The following PUM1 variants were observed in gnomAD, a reference collection of about 807,000 sequenced individuals.
The protein encoded by PUM1 is pumilio RNA binding family member 1.
In PUM1, 13 loss-of-function variants were observed where a neutral mutation model predicts 131.8. That is an observed-to-expected ratio of 0.10 (90% CI 0.06 to 0.16). The LOEUF is 0.16. Ranked by LOEUF, PUM1 falls within the 10% of genes least tolerant of loss-of-function variation. PUM1 has a pLI of 1.00. For synonymous variants in PUM1, 509 were observed against 556.5 expected (o/e 0.91, Z 1.20); for missense variants, 961 against 1,512.4 (o/e 0.64, Z 6.05).
At chr1:31,024,342 G>A (rs1643147770) in intron 3 of PUM1, among the ~76,000 whole-genome samples, 1 of 152,006 alleles carries the variant, frequency 6.6e-6, no homozygotes. Flanking sequence ...CCACACCTAT[G>A]GATCAAGTAC....
chr1:30,999,398 G>C (rs1416258803), intron 5 of PUM1, among the ~76,000 whole-genome samples: 1 of 151,946 alleles, frequency 6.6e-6, no homozygotes. Context: ...CCTGAGGTCA[G>C]GAGTTCAAGA....
chr1:31,043,657 A>T (rs1643890704), intron 2 of PUM1, among the ~76,000 whole-genome samples: 1 of 152,230 alleles, frequency 6.6e-6, no homozygotes, highest in African/African-American at 2.4e-5. Context: ...TATTCATTGC[A>T]TCTAAAGAGT....
intron 2 of PUM1, among the ~76,000 whole-genome samples, chr1:31,033,308 G>A (rs1643496351): frequency 6.7e-6 from 1 of 149,882 alleles, no homozygotes; most frequent in Non-Finnish European, 1.5e-5. Flanking sequence ...AGGCTCAAGT[G>A]ATCCTCCCAT....
chr1:30,965,252 G>T (rs1640573048), intron 13 of PUM1, among the ~76,000 whole-genome samples: 1 of 152,114 alleles, frequency 6.6e-6, no homozygotes, highest in Admixed American at 6.5e-5. Flanking sequence ...AAAGGTTCAA[G>T]TAGAAAAATG....
chr1:31,059,616 CT>C (rs770947041), intron 1 of PUM1, 39 bp from the exon 2 acceptor site: 5 of 1,530,312 alleles, frequency 3.3e-6, no homozygotes, highest in Non-Finnish European at 4.4e-6. Flanking sequence ...ATATTTCCAT[CT>C]TTTGAAACAT....
chr1:31,010,307 A>C (rs1642563620), intron 3 of PUM1, among the ~76,000 whole-genome samples: 1 of 152,212 alleles, frequency 6.6e-6, no homozygotes, highest in Admixed American at 6.5e-5. Context: ...ACTTACAAGT[A>C]CTCATACCCT....
At chr1:30,991,353 A>T (rs1022979287) in intron 7 of PUM1, among the ~76,000 whole-genome samples, 2 of 152,182 alleles carry the variant, frequency 1.3e-5, no homozygotes, top group Admixed American at 1.3e-4. Flanking sequence ...ACAATCCCTT[A>T]AAGGTATTTA....
chr1:31,026,393 GA>G (rs1643224214), intron 3 of PUM1, among the ~76,000 whole-genome samples: 1 of 151,966 alleles, frequency 6.6e-6, no homozygotes, highest in African/African-American at 2.4e-5. Flanking sequence ...GCTTTTTAAG[GA>G]ATATCTCTCC....
intron 3 of PUM1, among the ~76,000 whole-genome samples, chr1:31,015,822 C>T (rs954962318): frequency 6.6e-6 from 1 of 151,752 alleles, no homozygotes; most frequent in East Asian, 1.9e-4. Flanking sequence ...TACAGGCATG[C>T]GCCACCATAC....
At chr1:31,047,475 G>A (rs542674682) in intron 2 of PUM1, among the ~76,000 whole-genome samples, 1 of 152,338 alleles carries the variant, frequency 6.6e-6, no homozygotes, top group South Asian at 2.1e-4. Context: ...TGAATAACTA[G>A]ATAGATTCTA....
At chr1:31,005,405 A>C (rs1345667845) in intron 5 of PUM1, among the ~76,000 whole-genome samples, 2 of 152,228 alleles carry the variant, frequency 1.3e-5, no homozygotes, top group Non-Finnish European at 2.9e-5. Flanking sequence ...CAAAACAAGA[A>C]TAGCCCTATA....
chr1:31,061,710 G>C (rs558312322), intron 1 of PUM1: 5 of 152,342 alleles, frequency 3.3e-5, no homozygotes, highest in African/African-American at 9.6e-5. Flanking sequence ...TACAATCCCA[G>C]CACTTTGGGA....
rs540208777 is a variant in PUM1, at chr1:30,967,574, T to A, written c.1646-264A>T. ...CCTAGATAGGCTTTAAATAACATGA[T>A]CTTTCAATATTATGTGAGATAGAAT... On this transcript the variant is annotated intron_variant, in intron 11 of 21. Transcript: ENST00000426105. Among the ~76,000 whole-genome samples, 10 of 152,322 alleles carry A rather than the reference T, an allele frequency of 6.6e-5. No individual in the cohort carries two copies. In the South Asian group the frequency reaches 2.1e-3, roughly 32 times the overall value.
chr1:30,940,125 C>T (rs1639383940), intron 20 of PUM1, among the ~76,000 whole-genome samples: 1 of 152,190 alleles, frequency 6.6e-6, no homozygotes, highest in African/African-American at 2.4e-5. Flanking sequence ...TCTACAGGTA[C>T]TTTCATTTCT....
chr1:30,993,988 T>C (rs1310378177), intron 6 of PUM1, among the ~76,000 whole-genome samples: 1 of 152,170 alleles, frequency 6.6e-6, no homozygotes, highest in Non-Finnish European at 1.5e-5. Flanking sequence ...GAAGACTGCT[T>C]GAACTCAGGA....
At chr1:30,977,145 G>A (rs551012036) in intron 9 of PUM1, among the ~76,000 whole-genome samples, 1 of 152,294 alleles carries the variant, frequency 6.6e-6, no homozygotes, top group South Asian at 2.1e-4. Flanking sequence ...CACATAGCCT[G>A]GGGGTAATTT....
intron 2 of PUM1, among the ~76,000 whole-genome samples, chr1:31,051,302 ATTT>A (rs35765126): frequency 7.8e-5 from 11 of 140,860 alleles, no homozygotes; most frequent in African/African-American, 1.6e-4. Context: ...CATCCACTGA[ATTT>A]TTTTTTTTTT....
At chr1:30,952,682 G>GT (rs1639988057) in intron 15 of PUM1, among the ~76,000 whole-genome samples, 9 of 29,106 alleles carry the variant, frequency 3.1e-4, no homozygotes, top group East Asian at 2.6e-3. Context: ...AGCGGGGGGG[G>GT]CGGGGGGGGG....
chr1:30,982,701 T>C (rs1465950438), intron 7 of PUM1, among the ~76,000 whole-genome samples: 2 of 152,238 alleles, frequency 1.3e-5, no homozygotes, highest in East Asian at 1.9e-4. Flanking sequence ...ATTATTGTCA[T>C]GACTGGACTT....
Sources: allele counts gnomAD v4.1 joint callset (sites outside exome capture counted in the v4.1 genomes callset), GRCh38; gene constraint gnomAD v4.1.1; transcripts MANE v1.5; gene names NCBI Gene and HGNC (gene_info 2026-07-23, HGNC 2026-07-21).